The following PITRM1 variants were observed in gnomAD, a reference collection of about 807,000 sequenced individuals.
The protein encoded by PITRM1 is pitrilysin metallopeptidase 1.
In PITRM1, 100 loss-of-function variants were observed where a neutral mutation model predicts 129.9. The ratio of observed to expected loss-of-function variants is 0.77; its 90% CI spans 0.65 to 0.91. The LOEUF (loss-of-function observed/expected upper bound fraction) is 0.91, where lower values mean the gene tolerates loss of function less well. Ranked by LOEUF, PITRM1 falls within the 40% of genes least tolerant of loss-of-function variation. The pLI is 0.00. For missense variants in PITRM1, 1,471 were observed against 1,318.3 expected (o/e 1.12, Z -1.79); for synonymous variants, 591 against 508.8 (o/e 1.16, Z -2.17).
intron 1 of PITRM1, chr10:3,172,194 A>G (rs1461505848): frequency 2.2e-6 from 1 of 456,656 alleles, no homozygotes; most frequent in Non-Finnish European, 4.4e-6. Flanking sequence ...TATATTAAAC[A>G]CGGGCTCGTG....
chr10:3,161,579 G>C (rs962528298), intron 7 of PITRM1, among the ~76,000 whole-genome samples: 4 of 151,008 alleles, frequency 2.6e-5, no homozygotes, highest in Non-Finnish European at 4.4e-5. Context: ...GCTCTCCAAA[G>C]ACCCTTCCCC....
rs775440773 is a variant in PITRM1, at chr10:3,159,897, T to C, written c.958A>G (p.Thr320Ala). 1 of 1,605,590 alleles carries C rather than the reference T, an allele frequency of 6.2e-7. No homozygotes were observed. Among genetic ancestry groups the C allele is most frequent in the Non-Finnish European group, 8.5e-7 (1 of 1,175,390 alleles). Residue 320 changes from threonine to alanine, a missense_variant, in exon 9 of 27, where the codon ACA becomes GCA. Transcript: ENST00000224949. ...QITCGPDSFATDPSKQTTISV... is the reference protein window; with the variant it reads ...QITCGPDSFAADPSKQTTISV... The stretch of plus-strand genomic sequence containing the variant: ...ATGGTTGTTTGTTTAGAGGGATCTG[T>C]AGCAAATGAATCCGGGCCACATGTT...
chr10:3,171,446 C>T (rs1843349032), intron 1 of PITRM1, among the ~76,000 whole-genome samples: 1 of 151,570 alleles, frequency 6.6e-6, no homozygotes, highest in Admixed American at 6.6e-5. Context: ...GTCACAGGGA[C>T]ACTAATTTTC....
At chr10:3,147,830 A>C in intron 18 of PITRM1, 93 bp from the exon 19 acceptor site, 1 of 1,302,408 alleles carries the variant, frequency 7.7e-7, no homozygotes, top group Non-Finnish European at 1.1e-6. Flanking sequence ...AGAGTACTTT[A>C]ACAACCAAAG....
rs938446410 is a variant in PITRM1 at position 3,172,695 on chromosome 10, G to A, written c.56+22C>T. 4 of 1,531,338 alleles carry A rather than the reference G, an allele frequency of 2.6e-6. No homozygotes were observed. The Middle Eastern group carries it at 5.3e-4, about 203-fold the overall frequency. The allele number at this position is 1,531,338 out of a possible 1,614,324, so 94.9% of individuals were successfully genotyped here. On this transcript the variant is annotated intron_variant, in intron 1 of 26. Transcript: ENST00000224949. The stretch of plus-strand genomic sequence containing the variant: ...CCTCCCGGGTACCAGCGCGCCGAGC[G>A]CCTCCCGTCGCAGCGTCTCACCCGC...
At chr10:3,170,013 A>G in intron 2 of PITRM1, 91 bp downstream of exon 2, 1 of 882,096 alleles carries the variant, frequency 1.1e-6, no homozygotes, top group Non-Finnish European at 1.8e-6. Flanking sequence ...CAAAAACGCT[A>G]GTCTCCGCCC....
chr10:3,163,419 G>A (rs914059302), intron 7 of PITRM1: 9 of 192,600 alleles, frequency 4.7e-5, no homozygotes, highest in Non-Finnish European at 8.5e-5. Context: ...CACCATCCAT[G>A]CACCCCCACT....
chr10:3,167,287 G>GCGAA (rs374601279), intron 2 of PITRM1, among the ~76,000 whole-genome samples: 1 of 72,572 alleles, frequency 1.4e-5, no homozygotes, highest in South Asian at 4.8e-4. Context: ...GAGAGAGAGA[G>GCGAA]CGAGCGAGCG....
intron 14 of PITRM1, among the ~76,000 whole-genome samples, chr10:3,155,305 A>T (rs553253155): frequency 2.2e-3 from 330 of 152,320 alleles, no homozygotes; most frequent in African/African-American, 7.6e-3. Context: ...CAGCAGAACA[A>T]TGGTACTGGC....
intron 14 of PITRM1, among the ~76,000 whole-genome samples, chr10:3,154,254 G>C (rs559367363): frequency 1.3e-4 from 20 of 152,334 alleles, no homozygotes; most frequent in African/African-American, 4.8e-4. Flanking sequence ...GGATGTATAT[G>C]TTGATGGAAA....
rs1476669393 is a variant in PITRM1 at position 3,137,799 on chromosome 10, C to T, written c.*232G>A. ...ATGAGGTAAAACGAGCCTGCCAGTA[C>T]AAAGTGAAAATTCTACATGGTGCAT... On this transcript the variant is annotated 3_prime_UTR_variant, in exon 27 of 27. Transcript: ENST00000224949. 5.6e-6 allele frequency: 3 copies of T among 539,642 alleles called. No homozygotes were observed. The highest frequency in any genetic ancestry group is 4.2e-5 in the South Asian group (2 of 48,134). The allele number at this position is 539,642 out of a possible 1,614,324, so 33.4% of individuals were successfully genotyped here.
intron 25 of PITRM1, 108 bp from the exon 26 acceptor site, chr10:3,138,445 T>G (rs922081181): frequency 2.6e-6 from 2 of 761,930 alleles, no homozygotes; most frequent in Non-Finnish European, 4.6e-6. Context: ...TCATTTCACG[T>G]GCATGTTTCA....
Position 3,137,990 on chromosome 10 carries a change from G to T in PITRM1, c.*41C>A. 1 of 1,140,808 alleles carries T rather than the reference G, an allele frequency of 8.8e-7. No individual in the cohort carries two copies. Among genetic ancestry groups the T allele is most frequent in the Non-Finnish European group, 1.3e-6 (1 of 767,800 alleles). The allele number at this position is 1,140,808 out of a possible 1,614,324, so 70.7% of individuals were successfully genotyped here. On this transcript the variant is annotated 3_prime_UTR_variant, in exon 27 of 27. Transcript: ENST00000224949. Reference sequence around the variant, plus strand: ...GACTTTTCATATTCAGCTCGGAGGTGTATTGTCTCGGGCTCCTGTGCAGTC... The same window carrying T: ...GACTTTTCATATTCAGCTCGGAGGTTTATTGTCTCGGGCTCCTGTGCAGTC...
In PITRM1 at chr10:3,150,921, G is replaced by A. The variant is rs546983662; in HGVS notation, c.1738+326C>T. Among the ~76,000 whole-genome samples the A allele has an allele frequency of 5.3e-5, 8 of 152,044 alleles. No homozygotes were observed. In the South Asian group the frequency reaches 8.3e-4, roughly 16 times the overall value. ...CATTAGGAAAAAGGGCTCTGAGGAC[G>A]CCTCGATTTTTAAAACTGCGCTTCA... On this transcript the variant is annotated intron_variant, in intron 15 of 26. Coordinates refer to ENST00000224949, the MANE Select transcript of PITRM1 (RefSeq NM_014889.4).
Position 3,157,354 on chromosome 10 carries a change from A to G in PITRM1, c.1347+81T>C. ...TTAAAGTAATCTATTTCACATAAAAATATCAAAAAGCCAGTTAAGCTAGTA... is the reference window on the plus strand; with the variant it reads ...TTAAAGTAATCTATTTCACATAAAAGTATCAAAAAGCCAGTTAAGCTAGTA... On this transcript the variant is annotated intron_variant, in intron 12 of 26. Transcript: ENST00000224949. The G allele has an allele frequency of 3.7e-6, 3 of 814,022 alleles. No individual in the cohort carries two copies. In the South Asian group the frequency reaches 5.4e-5, roughly 15 times the overall value. The allele number at this position is 814,022 out of a possible 1,614,324, so 50.4% of individuals were successfully genotyped here.
At chr10:3,171,338 T>A (rs200816825) in intron 1 of PITRM1, among the ~76,000 whole-genome samples, 44 of 142,484 alleles carry the variant, frequency 3.1e-4, no homozygotes, top group East Asian at 1.8e-3. Context: ...GGTAAAATAT[T>A]AAAAAAAAAA....
Position 3,165,352 on chromosome 10 carries a change from T to A in PITRM1, c.534-18A>T. 6.3e-7 allele frequency: 1 copy of A among 1,596,856 alleles called. No individual in the cohort carries two copies. On this transcript the variant is annotated intron_variant, in intron 5 of 26. Transcript: ENST00000224949. Reference sequence around the variant, plus strand: ...CTTCCTGCCTGAGGACAAATCATTATAAGCTGATAGTGACTCAAATACTAA... The same window carrying A: ...CTTCCTGCCTGAGGACAAATCATTAAAAGCTGATAGTGACTCAAATACTAA...
chr10:3,150,246 C>T (rs2132414806), intron 15 of PITRM1, among the ~76,000 whole-genome samples: 1 of 144,710 alleles, frequency 6.9e-6, no homozygotes, highest in Non-Finnish European at 1.6e-5. Context: ...TATGTCCCTA[C>T]CTAGCAGAGC....
intron 24 of PITRM1, among the ~76,000 whole-genome samples, 191 bp from the exon 25 acceptor site, chr10:3,139,240 C>A (rs1200263610): frequency 6.6e-6 from 1 of 152,076 alleles, no homozygotes; most frequent in Non-Finnish European, 1.5e-5. Flanking sequence ...ATCACATAAG[C>A]CTTTCAACAT....
Sources: gnomAD v4.1 joint callset for allele counts (sites outside exome capture counted in the v4.1 genomes callset) on GRCh38, gnomAD v4.1.1 for gene constraint, MANE v1.5 for transcripts, NCBI Gene and HGNC (gene_info 2026-07-23, HGNC 2026-07-21) for gene names.